The following PAK3 variants were observed in gnomAD, a reference collection of about 807,000 sequenced individuals.
The protein encoded by PAK3 is serine/threonine-protein kinase PAK 3.
In PAK3, 4 loss-of-function variants were observed where a neutral mutation model predicts 41.0. That is an observed-to-expected ratio of 0.10 (90% CI 0.05 to 0.22). The LOEUF (loss-of-function observed/expected upper bound fraction) is 0.22, where lower values mean the gene tolerates loss of function less well. Ranked by LOEUF, PAK3 falls within the 10% of genes least tolerant of loss-of-function variation. The pLI, the probability that PAK3 is intolerant of heterozygous loss-of-function variation, is 1.00. For synonymous variants in PAK3, 146 were observed against 139.6 expected, an observed-to-expected ratio of 1.05 and a Z score of -0.32; for missense variants, 205 against 409.9, an observed-to-expected ratio of 0.50 and a Z score of 4.32.
At chrX:111,072,823 A>G (rs1446950504) in intron 1 of PAK3, among the ~76,000 whole-genome samples, 2 of 111,641 alleles carry the variant, frequency 1.8e-5, no homozygotes, top group Admixed American at 9.5e-5. Context: ...TGTTGGGGAG[A>G]TGTTGCTGCA....
Position 111,074,803 on chromosome X carries a change from G to A in PAK3, c.-27-48274G>A, listed in dbSNP as rs774532610. 9.1e-4 allele frequency among the ~76,000 whole-genome samples: 102 copies of A among 112,122 alleles called. 1 individual carries two copies. Among genetic ancestry groups the A allele is most frequent in the Non-Finnish European group, 1.7e-3 (88 of 53,235 alleles). On this transcript the variant is annotated intron_variant, in intron 1 of 14. Transcript: ENST00000425146. ...GACCAAAATGCTGATGGAGATGTGG[G>A]TAGTGAAGTCCAGGCTGATGAGGTC...
At chrX:111,172,221 GAT>G (rs200919052) in intron 10 of PAK3, among the ~76,000 whole-genome samples, 15,698 of 111,260 alleles carry the variant, frequency 0.14, 2,250 homozygotes, top group African/African-American at 0.44. Flanking sequence ...CTACATCATT[GAT>G]ATAACGTTTG....
At chrX:110,967,595 G>A (rs2091108047) in intron 1 of PAK3, among the ~76,000 whole-genome samples, 2 of 111,597 alleles carry the variant, frequency 1.8e-5, no homozygotes, top group African/African-American at 6.5e-5. Flanking sequence ...GAATTTTTAA[G>A]AGAAGATAGA....
intron 16 of PAK3, among the ~76,000 whole-genome samples, chrX:111,205,179 G>A (rs1397210511): frequency 1.8e-5 from 2 of 110,080 alleles, no homozygotes; most frequent in African/African-American, 6.6e-5. Flanking sequence ...TTACCAGTAG[G>A]CTCCACAATG....
chrX:111,008,860 A>G (rs754109748), intron 1 of PAK3, among the ~76,000 whole-genome samples: 11 of 111,348 alleles, frequency 9.9e-5, no homozygotes, highest in Non-Finnish European at 1.9e-4. Context: ...TCATGCACAC[A>G]CATGCATAGA....
intron 1 of PAK3, among the ~76,000 whole-genome samples, chrX:111,001,808 T>G (rs370209410): frequency 5.2e-4 from 58 of 110,989 alleles, no homozygotes; most frequent in African/African-American, 1.7e-3. Flanking sequence ...CTGAGGATGC[T>G]TCCTCTTCAC....
Position 111,163,762 on chromosome X carries a change from G to T in PAK3, c.766+35G>T, listed in dbSNP as rs182691642. 78 of 1,061,748 alleles carry T rather than the reference G, an allele frequency of 7.3e-5. No individual in the cohort carries two copies. In the African/African-American group the frequency reaches 1.4e-3, roughly 19 times the overall value. The allele number at this position is 1,061,748 out of a possible 1,213,427, so 87.5% of individuals were successfully genotyped here. A position where few individuals can be genotyped will look rare whatever the true frequency, so the allele number is the denominator to read the frequency against. On this transcript the variant is annotated intron_variant, in intron 10 of 17. Transcript: ENST00000372007. ...TCTTGCCATGATTACTTTCTACACG[G>T]GAGTGTTTCTCATAAGCCATTTAAA...
intron 17 of PAK3, chrX:111,216,985 T>A (rs964601388): frequency 2.7e-6 from 2 of 749,821 alleles, no homozygotes; most frequent in African/African-American, 4.6e-5. Flanking sequence ...TTGCTTGTGA[T>A]GCCAATTGGC....
At chrX:111,166,311 C>T (rs1191703688) in intron 10 of PAK3, among the ~76,000 whole-genome samples, 1 of 111,228 alleles carries the variant, frequency 9.0e-6, no homozygotes, top group East Asian at 2.8e-4. Flanking sequence ...ATCATAACTA[C>T]ATTTTTGTGA....
At chrX:111,160,973 A>G (rs1434954202) in intron 8 of PAK3, among the ~76,000 whole-genome samples, 9 of 112,346 alleles carry the variant, frequency 8.0e-5, no homozygotes, top group Admixed American at 6.6e-4. Context: ...TCCTTTGGGT[A>G]TATACCCAGT....
At chrX:111,145,692 A>G (rs1408063131) in intron 6 of PAK3, among the ~76,000 whole-genome samples, 4 of 111,754 alleles carry the variant, frequency 3.6e-5, no homozygotes, top group Non-Finnish European at 7.5e-5. Context: ...TCAAGGACAT[A>G]TATACAAAAT....
chrX:110,970,201 C>T (rs1468255920), intron 1 of PAK3, among the ~76,000 whole-genome samples: 2 of 112,047 alleles, frequency 1.8e-5, no homozygotes, highest in African/African-American at 6.5e-5. Context: ...ACATAAATAT[C>T]TTCCTTTGAG....
chrX:111,173,030 G>A lies in PAK3; in HGVS notation c.779G>A (p.Ser260Asn). The A allele has an allele frequency of 8.8e-7, 1 of 1,132,755 alleles. No homozygotes were observed. The highest frequency in any genetic ancestry group is 1.2e-6 in the Non-Finnish European group (1 of 825,193). The allele number at this position is 1,132,755 out of a possible 1,213,427, so 93.4% of individuals were successfully genotyped here. A position where few individuals can be genotyped will look rare whatever the true frequency, so the allele number is the denominator to read the frequency against. ...EILEKLRSIV[S>N]VGDPKKKYTR... ...ACCCATCTCTTAGGAAGCATTGTGA[G>A]TGTTGGGGACCCAAAGAAAAAATAC... Residue 260 changes from serine to asparagine, a missense_variant, in exon 11 of 18, where the codon AGT becomes AAT. Ser to Asn is a conservative substitution (Grantham distance 46). Coordinates refer to ENST00000372007, the MANE Select transcript of PAK3 (RefSeq NM_002578.5).
chrX:110,975,824 A>G (rs2091316548), intron 1 of PAK3, among the ~76,000 whole-genome samples: 1 of 111,755 alleles, frequency 8.9e-6, no homozygotes, highest in African/African-American at 3.3e-5. Context: ...CAACCATCTG[A>G]TCTTTGACAA....
At chrX:111,046,006 C>G (rs2092494582) in intron 1 of PAK3, among the ~76,000 whole-genome samples, 1 of 111,829 alleles carries the variant, frequency 8.9e-6, no homozygotes, top group Admixed American at 9.5e-5. Context: ...AAGTTTCACT[C>G]TGTAATCTCA....
intron 1 of PAK3, among the ~76,000 whole-genome samples, chrX:111,024,205 G>T (rs922002624): frequency 2.1e-4 from 23 of 111,694 alleles, no homozygotes; most frequent in African/African-American, 7.5e-4. Context: ...GATGGTTGTA[G>T]ATGTGTGGTG....
intron 5 of PAK3, among the ~76,000 whole-genome samples, chrX:111,135,062 C>G (rs1278948216): frequency 9.0e-6 from 1 of 110,811 alleles, no homozygotes; most frequent in Admixed American, 9.6e-5. Flanking sequence ...TCACTCTAGC[C>G]ACAGGAGGAA....
At chrX:111,015,218 G>A in intron 1 of PAK3, among the ~76,000 whole-genome samples, 1 of 110,137 alleles carries the variant, frequency 9.1e-6, no homozygotes, top group Non-Finnish European at 1.9e-5. Flanking sequence ...TTTGTGACTG[G>A]CTTCTTTCAT....
At chrX:110,985,771 A>T (rs918011575) in intron 1 of PAK3, among the ~76,000 whole-genome samples, 2 of 112,379 alleles carry the variant, frequency 1.8e-5, no homozygotes, top group African/African-American at 6.5e-5. Flanking sequence ...ATTTCCTAGT[A>T]TAGAATTATC....
Sources: gnomAD v4.1 joint callset for allele counts (sites outside exome capture counted in the v4.1 genomes callset) on GRCh38, gnomAD v4.1.1 for gene constraint, MANE v1.5 for transcripts, NCBI Gene and HGNC (gene_info 2026-07-23, HGNC 2026-07-21) for gene names.